Variants in MTDH observed in about 807,000 individuals in gnomAD.
MTDH encodes the protein protein LYRIC.
MTDH carries 34 observed loss-of-function variants against 72.7 expected under a neutral mutation model. The observed-to-expected ratio is 0.47, with a 90% CI of 0.36 to 0.62. MTDH has a LOEUF of 0.62. MTDH is among the 20% of genes least tolerant of loss of function. The probability of loss-of-function intolerance (pLI) is 0.00; values close to 1 mark genes in which losing one functional copy is unlikely to be tolerated. For missense variants in MTDH, 677 were observed against 699.4 expected (o/e 0.97, Z 0.36); for synonymous variants, 266 against 268.9 (o/e 0.99, Z 0.10).
At chr8:97,690,323 C>T (rs1015979237) in intron 5 of MTDH, among the ~76,000 whole-genome samples, 1 of 152,144 alleles carries the variant, frequency 6.6e-6, no homozygotes, top group Non-Finnish European at 1.5e-5. Flanking sequence ...TTGTTCTTAG[C>T]ACTGTCAGCT....
intron 8 of MTDH, among the ~76,000 whole-genome samples, chr8:97,712,112 A>G (rs1312916904): frequency 6.6e-6 from 1 of 152,170 alleles, no homozygotes. Flanking sequence ...ATCTCGGCTC[A>G]CTGCAACCTC....
intron 6 of MTDH, among the ~76,000 whole-genome samples, chr8:97,693,079 G>T (rs992366845): frequency 3.9e-5 from 6 of 152,036 alleles, no homozygotes; most frequent in African/African-American, 1.2e-4. Flanking sequence ...AGTGATATTG[G>T]ATTAAAGGGA....
At chr8:97,689,223 A>G (rs555793411) in intron 5 of MTDH, 120 bp downstream of exon 5, 3 of 528,478 alleles carry the variant, frequency 5.7e-6, no homozygotes, top group South Asian at 7.6e-5. Flanking sequence ...ATGATTTTTA[A>G]TTAATAAAGT....
intron 1 of MTDH, among the ~76,000 whole-genome samples, chr8:97,646,780 G>T (rs1811580270): frequency 6.6e-6 from 1 of 152,210 alleles, no homozygotes; most frequent in Admixed American, 6.5e-5. Context: ...TAGCTTTGAG[G>T]AGTGGAGAAT....
intron 2 of MTDH, among the ~76,000 whole-genome samples, chr8:97,670,985 G>C (rs1006952249): frequency 8.4e-6 from 1 of 118,850 alleles, no homozygotes; most frequent in African/African-American, 3.2e-5. Context: ...TTGAGACGGA[G>C]TCTCGCTCTG....
intron 6 of MTDH, among the ~76,000 whole-genome samples, chr8:97,697,057 G>A (rs138261331): frequency 2.0e-3 from 284 of 145,218 alleles, no homozygotes; most frequent in African/African-American, 7.2e-3. Flanking sequence ...GCTACAATGA[G>A]CAATGAGCCA....
intron 6 of MTDH, among the ~76,000 whole-genome samples, chr8:97,692,020 T>G (rs1813628937): frequency 1.3e-5 from 2 of 151,528 alleles, no homozygotes; most frequent in Admixed American, 6.6e-5. Flanking sequence ...GCTGGGATTA[T>G]AGACATGGCA....
In MTDH at chr8:97,724,601, C is replaced by T. The variant is rs367574809; in HGVS notation, c.1680C>T (p.Thr560=). The change falls in exon 12 of 12, where the codon ACC becomes ACT. Residue 560 remains threonine (T), a splice_region_variant and synonymous_variant. Transcript: ENST00000336273. The stretch of plus-strand genomic sequence containing the variant: ...CGTTTTCCCCCTTTTCTTTTTTAGC[C>T]AAGTCTGAAACTAGCTGGGAATCTC... ...TKQNSVPPSQ[T]KSETSWESPK... 5 of 1,578,332 alleles carry T rather than the reference C, an allele frequency of 3.2e-6. No homozygotes were observed. The African/African-American group carries it at 6.9e-5, about 22-fold the overall frequency.
chr8:97,696,222 A>G, intron 6 of MTDH: 2 of 985,232 alleles, frequency 2.0e-6, no homozygotes, highest in South Asian at 9.4e-5. Flanking sequence ...TCTAGTGTGG[A>G]TAGGGGAATG....
intron 2 of MTDH, among the ~76,000 whole-genome samples, chr8:97,661,918 CAAAAAA>C (rs11440340): frequency 4.5e-5 from 5 of 110,314 alleles, no homozygotes; most frequent in East Asian, 2.3e-4. Context: ...GACCCTGTCT[CAAAAAA>C]AAAAAAAAAA....
chr8:97,686,734 G>A lies in MTDH; in HGVS notation c.550G>A (p.Gly184Arg). The A allele has an allele frequency of 6.3e-7, 1 of 1,593,290 alleles. No homozygotes were observed. The highest frequency in any genetic ancestry group is 8.5e-7 in the Non-Finnish European group (1 of 1,170,610). The change falls in exon 3 of 12, where the codon GGA (glycine) becomes AGA (arginine). Residue 184 changes from glycine (G) to arginine (R), a missense_variant. Around this residue, in one of 3 missense-constraint regions of MTDH, gnomAD observed 467 missense variants for 469.1 expected, o/e 1.00. Transcript: ENST00000336273. Reference sequence around the variant, plus strand: ...AGTGCAAAACAGTTCACGCCATGATGGAAAGGAAGTTGATGAAGGTACTTG... The same window carrying A: ...AGTGCAAAACAGTTCACGCCATGATAGAAAGGAAGTTGATGAAGGTACTTG... ...KAVQNSSRHD[G>R]KEVDEGAWET...
chr8:97,723,475 G>A (rs370509651), intron 11 of MTDH, among the ~76,000 whole-genome samples: 10 of 151,470 alleles, frequency 6.6e-5, no homozygotes, highest in Non-Finnish European at 1.5e-4. Flanking sequence ...CGGGTGCGGT[G>A]GCTCACGCCT....
At chr8:97,705,472 T>C (rs1187553954) in intron 7 of MTDH, among the ~76,000 whole-genome samples, 9 of 143,164 alleles carry the variant, frequency 6.3e-5, no homozygotes, top group Middle Eastern at 4.9e-3. Context: ...TGGTGGCGCA[T>C]GCCTGTAATC....
chr8:97,644,619 TCGA>T lies in MTDH; in HGVS notation c.115_117del (p.Asp39del). ...GGCTTTCTGCGCACCGAGCTGGGCCTCGACCTGGGGCTGGAGCCGAAACGGTAC... is the reference window on the plus strand; with the variant it reads ...GGCTTTCTGCGCACCGAGCTGGGCCTCCTGGGGCTGGAGCCGAAACGGTAC... On this transcript the variant is annotated inframe_deletion, in exon 1 of 12. Transcript: ENST00000336273. The T allele has an allele frequency of 6.2e-7, 1 of 1,610,118 alleles. No homozygotes were observed. The highest frequency in any genetic ancestry group is 8.5e-7 in the Non-Finnish European group (1 of 1,179,266).
intron 2 of MTDH, among the ~76,000 whole-genome samples, chr8:97,675,432 G>T (rs556512750): frequency 1.3e-5 from 2 of 152,064 alleles, no homozygotes; most frequent in African/African-American, 4.8e-5. Flanking sequence ...GTGGTGCCAT[G>T]CACCTGTAGT....
intron 2 of MTDH, among the ~76,000 whole-genome samples, chr8:97,665,272 A>C (rs1812332988): frequency 6.6e-6 from 1 of 152,204 alleles, no homozygotes; most frequent in Non-Finnish European, 1.5e-5. Context: ...TAGAAACTGT[A>C]TATGACAAGA....
chr8:97,650,949 A>G (rs563929066), intron 1 of MTDH, among the ~76,000 whole-genome samples: 2 of 152,310 alleles, frequency 1.3e-5, no homozygotes, highest in South Asian at 2.1e-4. Flanking sequence ...TTTGGTTCTA[A>G]TAGTCATTCA....
At chr8:97,685,532 C>T (rs1813324804) in intron 2 of MTDH, among the ~76,000 whole-genome samples, 1 of 151,740 alleles carries the variant, frequency 6.6e-6, no homozygotes. Context: ...GAGGCCACGG[C>T]GGGCAGAGCA....
chr8:97,703,251 C>G lies in MTDH; in HGVS notation c.1148-3375C>G, dbSNP rs191577546. On this transcript the variant is annotated intron_variant, in intron 7 of 11. Transcript: ENST00000336273. ...TCGCATGCCTGTAGTCCCAGCTACT[C>G]AGGAGTCTGAAGTGGAAGATCACTT... is the stretch of plus-strand genomic sequence containing the variant. Among the ~76,000 whole-genome samples, 745 of 152,264 alleles carry G rather than the reference C, an allele frequency of 4.9e-3. 6 individuals carry two copies. Among genetic ancestry groups the G allele is most frequent in the Non-Finnish European group, 8.0e-3 (543 of 68,028 alleles).
Sources: allele counts gnomAD v4.1 joint callset (sites outside exome capture counted in the v4.1 genomes callset), GRCh38; gene constraint gnomAD v4.1.1; regional missense constraint gnomAD v4.1.1; transcripts MANE v1.5; gene names NCBI Gene and HGNC (gene_info 2026-07-23, HGNC 2026-07-21).